DDX19B: variants seen among roughly 807,000 people sequenced by gnomAD.
DDX19B encodes the protein DEAD-box helicase 19B.
Under a neutral mutation model 58.1 loss-of-function variants are expected in DDX19B, and 27 were observed. That is an observed-to-expected ratio of 0.46 (90% CI 0.34 to 0.64). DDX19B has a LOEUF of 0.64. Ranked by LOEUF, DDX19B falls within the 30% of genes least tolerant of loss-of-function variation. The pLI, the probability that DDX19B is intolerant of heterozygous loss-of-function variation, is 0.01. For missense variants in DDX19B, 399 were observed against 596.5 expected (o/e 0.67, Z 3.45); for synonymous variants, 187 against 214.4 (o/e 0.87, Z 1.12).
chr16:70,319,642 A>G (rs1404619644), intron 5 of DDX19B: 1 of 150,908 alleles, frequency 6.6e-6, no homozygotes, highest in Non-Finnish European at 1.5e-5. Flanking sequence ...TGTAATCCCA[A>G]TACTTTGAGA....
intron 2 of DDX19B, among the ~76,000 whole-genome samples, chr16:70,313,050 G>C (rs890877683): frequency 6.6e-6 from 1 of 151,850 alleles, no homozygotes; most frequent in Admixed American, 6.6e-5. Flanking sequence ...ACAGAGTCTC[G>C]CTCTGTTGCC....
At chr16:70,302,374 A>T (rs1192037722) in intron 1 of DDX19B, among the ~76,000 whole-genome samples, 2 of 152,158 alleles carry the variant, frequency 1.3e-5, no homozygotes, top group African/African-American at 4.8e-5. Context: ...CTCTACAAAG[A>T]ACTACAACTT....
intron 5 of DDX19B, among the ~76,000 whole-genome samples, chr16:70,323,062 A>G (rs1010211142): frequency 6.6e-6 from 1 of 151,832 alleles, no homozygotes; most frequent in South Asian, 2.1e-4. Flanking sequence ...TTCCTCGTCC[A>G]TATCTTTGGC....
intron 5 of DDX19B, among the ~76,000 whole-genome samples, chr16:70,322,971 G>A (rs1437746012): frequency 6.6e-6 from 1 of 151,862 alleles, no homozygotes; most frequent in African/African-American, 2.4e-5. Context: ...CTGTGGCCGG[G>A]GGCCCTCCCC....
At chr16:70,326,978 G>A (rs1230229104) in intron 7 of DDX19B, among the ~76,000 whole-genome samples, 1 of 151,890 alleles carries the variant, frequency 6.6e-6, no homozygotes, top group East Asian at 2.0e-4. Context: ...GGGACTACAG[G>A]CGCCCACCAC....
At chr16:70,329,776 CT>C (rs1567639116) in intron 8 of DDX19B, 54 bp from the exon 9 acceptor site, 1 of 1,607,762 alleles carries the variant, frequency 6.2e-7, no homozygotes, top group Non-Finnish European at 8.5e-7. Context: ...GAAGGCTGTG[CT>C]TCTGTCGCTT....
At chr16:70,292,205 G>T (rs1157325989), upstream of DDX19B, among the ~76,000 whole-genome samples, 2 of 152,002 alleles carry the variant, frequency 1.3e-5, no homozygotes, top group African/African-American at 4.8e-5. Context: ...TGTTGCCCAG[G>T]CTGGAGTGCA....
chr16:70,309,898 T>A (rs1272166731), intron 1 of DDX19B, among the ~76,000 whole-genome samples: 5 of 152,086 alleles, frequency 3.3e-5, no homozygotes, highest in Non-Finnish European at 5.9e-5. Context: ...CATTTTTTTG[T>A]TCTCTCCTCT....
At position 70,334,121 on chromosome 16, in the gene DDX19B, G is replaced by T. The variant is rs139209433; in HGVS notation, c.*539G>T. On this transcript the variant is annotated 3_prime_UTR_variant, in exon 12 of 12. Coordinates refer to ENST00000288071, the MANE Select transcript of DDX19B (RefSeq NM_007242.7). ...CTTGGGGGTGGGACAGCTCATCTGA[G>T]TATTGCCAGCCCCCTGTCCTAGTGC... 1.2e-5 allele frequency: 2 copies of T among 166,854 alleles called. No homozygotes were observed. Among genetic ancestry groups the T allele is most frequent in the South Asian group, 3.2e-4 (2 of 6,230 alleles). The allele number at this position is 166,854 out of a possible 1,614,324, so 10.3% of individuals were successfully genotyped here. A position where few individuals can be genotyped will look rare whatever the true frequency, so the allele number is the denominator to read the frequency against.
upstream of DDX19B, among the ~76,000 whole-genome samples, chr16:70,297,671 T>G (rs1317409246): frequency 6.6e-6 from 1 of 152,200 alleles, no homozygotes; most frequent in Non-Finnish European, 1.5e-5. Context: ...AGCAGTTCTT[T>G]CATTTAATCC....
At chr16:70,293,453 GAA>G (rs796190221), upstream of DDX19B, among the ~76,000 whole-genome samples, 2 of 137,742 alleles carry the variant, frequency 1.5e-5, no homozygotes. Flanking sequence ...GAAACAAGTG[GAA>G]AAAAAAAAAA....
upstream of DDX19B, among the ~76,000 whole-genome samples, chr16:70,295,343 G>A (rs1216170937): frequency 1.3e-5 from 2 of 151,900 alleles, no homozygotes; most frequent in African/African-American, 4.8e-5. Context: ...GCATGATCAC[G>A]ACTCACTGCA....
chr16:70,297,515 A>T (rs1358218928), upstream of DDX19B, among the ~76,000 whole-genome samples: 2 of 152,086 alleles, frequency 1.3e-5, no homozygotes, highest in African/African-American at 4.8e-5. Context: ...GCCCGGCCTC[A>T]TGGCTTGAAA....
chr16:70,291,479 A>G (rs1346752961), upstream of DDX19B, among the ~76,000 whole-genome samples: 2 of 152,220 alleles, frequency 1.3e-5, no homozygotes, highest in African/African-American at 4.8e-5. Flanking sequence ...TTACTAGGAT[A>G]GTACCTTCAT....
At position 70,301,674 on chromosome 16, in the gene DDX19B, C is replaced by A. The variant is rs568734534; in HGVS notation, c.57+2320C>A. 1.7e-4 allele frequency among the ~76,000 whole-genome samples: 25 copies of A among 149,948 alleles called. 1 individual carries two copies. Among genetic ancestry groups the A allele is most frequent in the African/African-American group, 5.9e-4 (24 of 40,988 alleles). On this transcript the variant is annotated intron_variant, in intron 1 of 11. Coordinates refer to ENST00000288071, the MANE Select transcript of DDX19B (RefSeq NM_007242.7). ...TTCCCTCTTTTCCAGAACTCACTTT[C>A]TCTCTTTCTTTCTCTCTCTCTCTTT...
At chr16:70,324,352 G>A (rs1241838392) in intron 5 of DDX19B, among the ~76,000 whole-genome samples, 1 of 95,396 alleles carries the variant, frequency 1.0e-5, no homozygotes, top group African/African-American at 4.5e-5. Context: ...AACAGAGTGA[G>A]ACCTAATCTC....
At chr16:70,297,583 A>T (rs1024829452), upstream of DDX19B, among the ~76,000 whole-genome samples, 8 of 152,130 alleles carry the variant, frequency 5.3e-5, no homozygotes, top group African/African-American at 1.9e-4. Flanking sequence ...CATTTTTTTC[A>T]GATTGTAGGA....
chr16:70,289,777 C>T (rs1161756128), upstream of DDX19B: 9 of 436,668 alleles, frequency 2.1e-5, 1 homozygote, highest in African/African-American at 1.3e-4. Flanking sequence ...GCCCCCGGCT[C>T]CCGGAGGTCG....
chr16:70,298,095 C>T (rs1479042288), upstream of DDX19B, among the ~76,000 whole-genome samples: 1 of 152,036 alleles, frequency 6.6e-6, no homozygotes, highest in Non-Finnish European at 1.5e-5. Flanking sequence ...GACAACACAG[C>T]AAGATCTGTC....
Sources: allele counts gnomAD v4.1 joint callset (sites outside exome capture counted in the v4.1 genomes callset), GRCh38; gene constraint gnomAD v4.1.1; transcripts MANE v1.5; gene names NCBI Gene and HGNC (gene_info 2026-07-23, HGNC 2026-07-21).